The following USP8 variants were observed in gnomAD, a reference collection of about 807,000 sequenced individuals.
The protein encoded by USP8 is ubiquitin specific peptidase 8.
Under a neutral mutation model 130.0 loss-of-function variants are expected in USP8, and 27 were observed. The observed-to-expected ratio is 0.21, with a 90% CI of 0.15 to 0.29. The LOEUF is 0.29. Among genes scored for constraint, USP8 ranks in the 10% least tolerant of loss-of-function variants. USP8 has a pLI of 1.00. For synonymous variants in USP8, 392 were observed against 444.1 expected (o/e 0.88, Z 1.48); for missense variants, 1,029 against 1,312.2 (o/e 0.78, Z 3.33).
rs2141317897 is a variant in USP8 at position 50,490,497 on chromosome 15, G to A, written c.2206G>A (p.Val736Ile). The A allele has an allele frequency of 6.2e-7, 1 of 1,614,062 alleles. No individual in the cohort carries two copies. The highest frequency in any genetic ancestry group is 2.2e-5 in the East Asian group (1 of 44,888). ...IQEEEKRKPT[V>I]TPTVNRENKP... is the part of the protein sequence containing the mutation. ...AGAGGAAGAGAAGAGGAAGCCAACA[G>A]TAACTCCAACAGTTAATCGGGAAAA... The change falls in exon 14 of 20, where the codon GTA becomes ATA. Residue 736 changes from valine to isoleucine, a missense_variant. By Grantham distance (29) the Val-to-Ile change is conservative. This residue lies in a region of USP8 where 486 missense variants were observed against 522.0 expected (regional missense o/e 0.93). Coordinates refer to ENST00000307179, the MANE Select transcript of USP8 (RefSeq NM_005154.5).
At position 50,492,896 on chromosome 15, in the gene USP8, T is replaced by C. The variant is rs374802467; in HGVS notation, c.2430T>C (p.Tyr810=). 1.1e-5 allele frequency: 17 copies of C among 1,613,982 alleles called. No individual in the cohort carries two copies. In the African/African-American group the frequency reaches 1.3e-4, roughly 13 times the overall value. The change falls in exon 15 of 20, where the codon TAT becomes TAC. Residue 810 remains tyrosine (Y), a synonymous_variant. Coordinates refer to ENST00000307179, the MANE Select transcript of USP8 (RefSeq NM_005154.5). The part of the protein sequence containing the change: ...HLADYFNRNC[Y]QDDINRSNLL... ...CTGATTATTTCAACCGAAACTGTTA[T>C]CAGGATGATATTAACAGGTAAATAC... is the stretch of plus-strand genomic sequence containing the variant.
intron 12 of USP8, among the ~76,000 whole-genome samples, chr15:50,485,431 C>G (rs2051920603): frequency 6.9e-6 from 1 of 144,286 alleles, no homozygotes; most frequent in Admixed American, 6.9e-5. Context: ...GCCTGGGCAA[C>G]AGAGTGAGAC....
chr15:50,452,535 T>G (rs1191035787), intron 4 of USP8, among the ~76,000 whole-genome samples: 1 of 152,164 alleles, frequency 6.6e-6, no homozygotes, highest in Non-Finnish European at 1.5e-5. Context: ...GCCCTCAAAT[T>G]GGATTTAGGC....
chr15:50,433,262 A>G (rs1434137263), intron 1 of USP8, among the ~76,000 whole-genome samples: 2 of 152,154 alleles, frequency 1.3e-5, no homozygotes, highest in Admixed American at 6.6e-5. Context: ...TTTAATCAAT[A>G]CTTAGTTGTT....
At chr15:50,469,202 CT>C (rs1374072202) in intron 7 of USP8, among the ~76,000 whole-genome samples, 2 of 151,954 alleles carry the variant, frequency 1.3e-5, no homozygotes, top group Non-Finnish European at 2.9e-5. Flanking sequence ...TCAGACATAC[CT>C]TTTACTTACT....
intron 5 of USP8, among the ~76,000 whole-genome samples, chr15:50,459,994 C>A (rs1254638386): frequency 2.5e-5 from 3 of 118,972 alleles, no homozygotes; most frequent in South Asian, 3.0e-4. Flanking sequence ...CCCACCCCCC[C>A]CCTTTTTTTT....
chr15:50,462,274 C>G lies in USP8; in HGVS notation c.499-6C>G, dbSNP rs968359446. On this transcript the variant is annotated splice_polypyrimidine_tract_variant and splice_region_variant and intron_variant, in intron 5 of 19. Transcript: ENST00000307179. ...GTTGAAACTTTTTTTTTTTCCTATG[C>G]AATAGAGCAATGGTGAAAAGAATGA... 6.3e-7 allele frequency: 1 copy of G among 1,595,412 alleles called. No homozygotes were observed. The highest frequency in any genetic ancestry group is 8.5e-7 in the Non-Finnish European group (1 of 1,174,400).
intron 6 of USP8, among the ~76,000 whole-genome samples, chr15:50,463,739 T>C (rs1355710131): frequency 6.6e-6 from 1 of 152,228 alleles, no homozygotes; most frequent in East Asian, 1.9e-4. Flanking sequence ...TGTTAGCAGC[T>C]ATAGGTCTTT....
chr15:50,500,552 A>G lies in USP8; in HGVS notation c.*1464A>G, dbSNP rs2052564674. The G allele has an allele frequency of 2.1e-6, 1 of 480,572 alleles. No homozygotes were observed. The highest frequency in any genetic ancestry group is 3.3e-5 in the Admixed American group (1 of 30,056). The allele number at this position is 480,572 out of a possible 1,614,324, so 29.8% of individuals were successfully genotyped here. A position where few individuals can be genotyped will look rare whatever the true frequency, so the allele number is the denominator to read the frequency against. On this transcript the variant is annotated 3_prime_UTR_variant, in exon 20 of 20. Coordinates refer to ENST00000307179, the MANE Select transcript of USP8 (RefSeq NM_005154.5). ...ATGCCCACAAGGCATAAAAATGTTA[A>G]TGATGCAAGTAAGTTCTAAGAGTTT...
intron 17 of USP8, among the ~76,000 whole-genome samples, chr15:50,496,494 A>AAC: frequency 6.6e-6 from 1 of 152,098 alleles, no homozygotes; most frequent in South Asian, 2.1e-4. Flanking sequence ...AAAAAAAAAA[A>AAC]AAAAAACCTT....
chr15:50,475,493 A>G (rs901178316), intron 8 of USP8, among the ~76,000 whole-genome samples: 2 of 152,182 alleles, frequency 1.3e-5, no homozygotes, highest in African/African-American at 4.8e-5. Context: ...ACTGGGCATC[A>G]TATTAAACCA....
At chr15:50,477,217 G>A (rs1595960337) in intron 9 of USP8, 59 bp from the exon 10 acceptor site, 2 of 1,460,478 alleles carry the variant, frequency 1.4e-6, no homozygotes, top group Admixed American at 4.4e-5. Flanking sequence ...CATGAGAAAT[G>A]TAAGTACTGT....
intron 12 of USP8, among the ~76,000 whole-genome samples, chr15:50,488,419 G>T (rs1487645878): frequency 6.6e-6 from 1 of 151,984 alleles, no homozygotes; most frequent in Non-Finnish European, 1.5e-5. Context: ...TCACCAGGCA[G>T]GAGTACAGTG....
At chr15:50,452,364 G>A (rs191844475) in intron 4 of USP8, among the ~76,000 whole-genome samples, 37 of 152,222 alleles carry the variant, frequency 2.4e-4, no homozygotes, top group Admixed American at 1.3e-3. Flanking sequence ...AGCATGCCTC[G>A]CTCTCACTTC....
At chr15:50,451,882 A>G (rs1302939123) in intron 4 of USP8, among the ~76,000 whole-genome samples, 1 of 152,240 alleles carries the variant, frequency 6.6e-6, no homozygotes, top group Non-Finnish European at 1.5e-5. Flanking sequence ...GGTTTGGAGA[A>G]TAGATTATAA....
intron 1 of USP8, chr15:50,432,609 A>C (rs1206091808): frequency 6.6e-6 from 1 of 152,246 alleles, no homozygotes; most frequent in Admixed American, 6.5e-5. Context: ...ACTTGGAGTT[A>C]CATTGCTGTA....
intron 11 of USP8, among the ~76,000 whole-genome samples, chr15:50,483,262 G>T (rs1241977411): frequency 1.3e-5 from 2 of 152,160 alleles, no homozygotes; most frequent in African/African-American, 4.8e-5. Context: ...TTTCCATCTT[G>T]CTATACTAGA....
Position 50,449,399 on chromosome 15 carries a change from G to T in USP8, c.250-1G>T. 1 of 1,564,312 alleles carries T rather than the reference G, an allele frequency of 6.4e-7. No individual in the cohort carries two copies. On this transcript the variant is annotated splice_acceptor_variant, in intron 3 of 19. Transcript: ENST00000307179. LOFTEE classifies it high-confidence loss of function. The stretch of plus-strand genomic sequence containing the variant: ...ATGGGATGGTTTTCCTATAATTTTA[G>T]GATTATTTCCATTCAATACTTGGAC...
In USP8 at chr15:50,501,263, C is replaced by T. The variant is rs1421422661; in HGVS notation, c.*2175C>T. The T allele has an allele frequency of 6.6e-6, 1 of 150,960 alleles. No homozygotes were observed. Among genetic ancestry groups the T allele is most frequent in the African/African-American group, 2.5e-5 (1 of 39,858 alleles). The allele number at this position is 150,960 out of a possible 1,614,324, so 9.4% of individuals were successfully genotyped here. On this transcript the variant is annotated 3_prime_UTR_variant, in exon 20 of 20. Transcript: ENST00000307179. Reference sequence around the variant, plus strand: ...TTGCTTGAGTCCAGGAGTTCAAGACCAGCCTGGGCAAAATAGCGAGACTCC... The same window carrying T: ...TTGCTTGAGTCCAGGAGTTCAAGACTAGCCTGGGCAAAATAGCGAGACTCC...
Sources: allele counts gnomAD v4.1 joint callset (sites outside exome capture counted in the v4.1 genomes callset), GRCh38; gene constraint gnomAD v4.1.1; regional missense constraint gnomAD v4.1.1; transcripts MANE v1.5; gene names NCBI Gene and HGNC (gene_info 2026-07-23, HGNC 2026-07-21).